ZNF827: variants seen among roughly 807,000 people sequenced by gnomAD.
ZNF827 encodes zinc finger protein 827.
ZNF827 carries 13 observed loss-of-function variants against 102.4 expected under a neutral mutation model. The ratio of observed to expected loss-of-function variants is 0.13; its 90% CI spans 0.08 to 0.20. The LOEUF is 0.20. Among genes scored for constraint, ZNF827 ranks in the 10% least tolerant of loss-of-function variants. ZNF827 has a pLI of 1.00. For missense variants in ZNF827, 1,103 were observed against 1,344.4 expected (o/e 0.82, Z 2.81); for synonymous variants, 523 against 536.2 (o/e 0.98, Z 0.34).
At chr4:145,812,471 T>C (rs1742117831) in intron 8 of ZNF827, among the ~76,000 whole-genome samples, 1 of 151,996 alleles carries the variant, frequency 6.6e-6, no homozygotes, top group Non-Finnish European at 1.5e-5. Flanking sequence ...CCCTGCAGTC[T>C]TTCTACTGTC....
chr4:145,858,134 AGTGTGTGTGTGTGT>A (rs10553157), intron 5 of ZNF827, among the ~76,000 whole-genome samples: 334 of 147,098 alleles, frequency 2.3e-3, no homozygotes, highest in Middle Eastern at 7.0e-3. Flanking sequence ...TGCATGTGTG[AGTGTGTGTGTGTGT>A]GTGTGTGTGT....
chr4:145,899,123 C>CGTATTTTGAATTAAACT (rs2126875272), intron 2 of ZNF827, among the ~76,000 whole-genome samples: 1 of 152,134 alleles, frequency 6.6e-6, no homozygotes, highest in African/African-American at 2.4e-5. Context: ...AATGCACCTA[C>CGTATTTTGAATTAAACT]GTATTTTGAA....
At chr4:145,813,384 G>C (rs995505941) in intron 8 of ZNF827, among the ~76,000 whole-genome samples, 33 of 152,106 alleles carry the variant, frequency 2.2e-4, no homozygotes, top group African/African-American at 8.0e-4. Context: ...CATTATTATT[G>C]TTAATCTCTT....
At chr4:145,931,534 A>G (rs1239776472) in intron 1 of ZNF827, among the ~76,000 whole-genome samples, 1 of 152,196 alleles carries the variant, frequency 6.6e-6, no homozygotes, top group Non-Finnish European at 1.5e-5. Context: ...GTAAAACCTT[A>G]TGCTGGAAAT....
At chr4:145,777,348 G>A (rs1175913333) in intron 9 of ZNF827, among the ~76,000 whole-genome samples, 1 of 152,130 alleles carries the variant, frequency 6.6e-6, no homozygotes, top group Non-Finnish European at 1.5e-5. Flanking sequence ...CTATCATTTG[G>A]AAAGGTTTAA....
intron 1 of ZNF827, among the ~76,000 whole-genome samples, chr4:145,935,827 G>T (rs1245956452): frequency 6.6e-6 from 1 of 152,082 alleles, no homozygotes; most frequent in African/African-American, 2.4e-5. Flanking sequence ...GAGGGTAGTC[G>T]CAGGAGGTCA....
At chr4:145,860,566 C>T (rs1457319693) in intron 5 of ZNF827, among the ~76,000 whole-genome samples, 3 of 152,182 alleles carry the variant, frequency 2.0e-5, no homozygotes, top group Non-Finnish European at 2.9e-5. Context: ...ATAACCTTCC[C>T]TCCTCTCTCC....
At position 145,836,173 on chromosome 4, in the gene ZNF827, C is replaced by A. The variant is rs566368903; in HGVS notation, c.2279+9783G>T. 7.4e-4 allele frequency among the ~76,000 whole-genome samples: 112 copies of A among 152,022 alleles called. 1 individual carries two copies. Among genetic ancestry groups the A allele is most frequent in the African/African-American group, 2.6e-3 (109 of 41,430 alleles). ...CCCAAATTTCTTCCTCATCTGTTAC[C>A]TATCTCGGCATAATTCTCATAAAAA... On this transcript the variant is annotated intron_variant, in intron 7 of 14. Coordinates refer to ENST00000508784, the MANE Select transcript of ZNF827 (RefSeq NM_001306215.2).
At chr4:145,894,970 T>C (rs1464476649) in intron 2 of ZNF827, among the ~76,000 whole-genome samples, 2 of 152,170 alleles carry the variant, frequency 1.3e-5, no homozygotes, top group Admixed American at 6.6e-5. Flanking sequence ...GAAATTATTG[T>C]CATACACTAC....
chr4:145,778,174 C>T (rs1737388311), intron 9 of ZNF827, among the ~76,000 whole-genome samples: 2 of 152,136 alleles, frequency 1.3e-5, no homozygotes, highest in South Asian at 4.1e-4. Context: ...GCTCTTGTCA[C>T]TCAGGCTGGA....
intron 5 of ZNF827, among the ~76,000 whole-genome samples, chr4:145,864,418 T>C (rs1184100190): frequency 2.5e-5 from 1 of 39,598 alleles, no homozygotes; most frequent in East Asian, 4.8e-4. Context: ...ACCTTGTCTC[T>C]ACAAAAAAAA....
chr4:145,880,189 C>T (rs570685701), intron 4 of ZNF827, among the ~76,000 whole-genome samples: 2 of 152,132 alleles, frequency 1.3e-5, no homozygotes, highest in African/African-American at 2.4e-5. Flanking sequence ...GAGCCGAGAT[C>T]GCATCACTGA....
At chr4:145,861,951 G>A (rs190333488) in intron 5 of ZNF827, among the ~76,000 whole-genome samples, 75 of 152,284 alleles carry the variant, frequency 4.9e-4, no homozygotes, top group African/African-American at 1.8e-3. Context: ...TGAATCCCAG[G>A]CCTTGGAGAA....
chr4:145,836,511 T>G (rs1347149195), intron 7 of ZNF827, among the ~76,000 whole-genome samples: 1 of 152,240 alleles, frequency 6.6e-6, no homozygotes, highest in Non-Finnish European at 1.5e-5. Flanking sequence ...ACCTGACGCA[T>G]ATACTTTCTG....
chr4:145,843,327 A>C (rs1166553557), intron 7 of ZNF827, among the ~76,000 whole-genome samples: 2 of 151,964 alleles, frequency 1.3e-5, no homozygotes, highest in Non-Finnish European at 2.9e-5. Flanking sequence ...CACAGGAAGA[A>C]CCTCTTCCTT....
chr4:145,846,120 G>T, intron 6 of ZNF827, 107 bp from the exon 7 acceptor site: 2 of 1,085,498 alleles, frequency 1.8e-6, no homozygotes, highest in Non-Finnish European at 2.7e-6. Context: ...TTTCCTTTGT[G>T]GTTTTCTTTT....
In ZNF827 at chr4:145,765,652, C is replaced by A; in HGVS notation, c.2947G>T (p.Asp983Tyr). Residue 983 changes from aspartate to tyrosine, a missense_variant, in exon 12 of 15, where the codon GAT (aspartate) becomes TAT (tyrosine). Transcript: ENST00000508784. This position sits in a 1 kb window ranked among gnomAD's most constrained non-coding sequence, Gnocchi z 4.7. ...ALSDSANSKD[D>Y]SDGSQKNKGG... ...TTGTTTTTCTGGGAGCCATCTGAAT[C>A]ATCTTTGCTGTTGGCTGAATCACTC... is the stretch of plus-strand genomic sequence containing the variant. 1 of 1,614,124 alleles carries A rather than the reference C, an allele frequency of 6.2e-7. No individual in the cohort carries two copies. The highest frequency in any genetic ancestry group is 1.1e-5 in the South Asian group (1 of 91,068).
chr4:145,934,507 G>C (rs1754019627), intron 1 of ZNF827, among the ~76,000 whole-genome samples: 1 of 152,216 alleles, frequency 6.6e-6, no homozygotes, highest in African/African-American at 2.4e-5. Flanking sequence ...GTGTCTAACT[G>C]AACAGAAGGA....
intron 1 of ZNF827, among the ~76,000 whole-genome samples, chr4:145,934,818 G>C (rs962649687): frequency 6.6e-6 from 1 of 152,166 alleles, no homozygotes. Flanking sequence ...GAATCCTTAG[G>C]GGGGTGCAGA....
Sources: allele counts gnomAD v4.1 joint callset (sites outside exome capture counted in the v4.1 genomes callset), GRCh38; gene constraint gnomAD v4.1.1; non-coding constraint Gnocchi (gnomAD v3.1); transcripts MANE v1.5; gene names NCBI Gene and HGNC (gene_info 2026-07-23, HGNC 2026-07-21).